The following COLGALT2 variants were observed in gnomAD, a reference collection of about 807,000 sequenced individuals.
COLGALT2 encodes the protein collagen beta(1-O)galactosyltransferase 2.
A neutral mutation model predicts 73.4 loss-of-function variants in COLGALT2; 49 were observed. The ratio of observed to expected loss-of-function variants is 0.67; its 90% CI spans 0.53 to 0.85. The LOEUF (loss-of-function observed/expected upper bound fraction) is 0.85, where lower values mean the gene tolerates loss of function less well. Among genes scored for constraint, COLGALT2 ranks in the 40% least tolerant of loss-of-function variants. The pLI, the probability that COLGALT2 is intolerant of heterozygous loss-of-function variation, is 0.00. For missense variants in COLGALT2, 722 were observed against 790.2 expected (o/e 0.91, Z 1.03); for synonymous variants, 295 against 307.6 (o/e 0.96, Z 0.43).
At chr1:183,998,393 T>G (rs1457595496) in intron 1 of COLGALT2, among the ~76,000 whole-genome samples, 1 of 152,256 alleles carries the variant, frequency 6.6e-6, no homozygotes, top group Non-Finnish European at 1.5e-5. Context: ...TCGTTGATTC[T>G]CTACATTATT....
chr1:184,031,143 A>G (rs1649499256), intron 1 of COLGALT2, among the ~76,000 whole-genome samples: 1 of 152,208 alleles, frequency 6.6e-6, no homozygotes, highest in Non-Finnish European at 1.5e-5. Context: ...ATGAAGCTGA[A>G]TTTAGGGGAC....
intron 2 of COLGALT2, among the ~76,000 whole-genome samples, chr1:183,976,256 A>C (rs2102818115): frequency 6.6e-6 from 1 of 152,022 alleles, no homozygotes; most frequent in East Asian, 1.9e-4. Context: ...ACTCTAAAGG[A>C]GTGTTTACAA....
chr1:183,941,954 CTTTTT>C (rs34285270), intron 10 of COLGALT2, among the ~76,000 whole-genome samples: 6 of 142,840 alleles, frequency 4.2e-5, no homozygotes, highest in Admixed American at 7.0e-5. Context: ...CGACAGTTTA[CTTTTT>C]TTTTTTTTTT....
chr1:183,981,161 A>G (rs1398756526), intron 1 of COLGALT2, among the ~76,000 whole-genome samples: 3 of 152,206 alleles, frequency 2.0e-5, no homozygotes, highest in Non-Finnish European at 2.9e-5. Context: ...TAATATTCCC[A>G]TGGAACAAAC....
chr1:184,006,097 A>G (rs1489119068), intron 1 of COLGALT2, among the ~76,000 whole-genome samples: 9 of 152,196 alleles, frequency 5.9e-5, no homozygotes, highest in Non-Finnish European at 4.4e-5. Context: ...CTATATGTAC[A>G]GTTTTCTATG....
At chr1:184,006,264 G>A (rs1192371622) in intron 1 of COLGALT2, among the ~76,000 whole-genome samples, 1 of 152,096 alleles carries the variant, frequency 6.6e-6, no homozygotes, top group Non-Finnish European at 1.5e-5. Context: ...TGCAACTCTG[G>A]TTATTTTCTT....
At chr1:184,014,270 A>C (rs1046523347) in intron 1 of COLGALT2, among the ~76,000 whole-genome samples, 12 of 152,190 alleles carry the variant, frequency 7.9e-5, no homozygotes, top group African/African-American at 2.9e-4. Context: ...AGCCAAAGGG[A>C]AGACAGCAAG....
chr1:183,948,273 T>C (rs1326426164), intron 8 of COLGALT2, among the ~76,000 whole-genome samples: 1 of 152,104 alleles, frequency 6.6e-6, no homozygotes, highest in Non-Finnish European at 1.5e-5. Context: ...AAAAACATTA[T>C]AAGAAAACTG....
At chr1:184,019,326 C>T (rs974700490) in intron 1 of COLGALT2, among the ~76,000 whole-genome samples, 1 of 152,152 alleles carries the variant, frequency 6.6e-6, no homozygotes, top group Non-Finnish European at 1.5e-5. Context: ...AATAATTACG[C>T]ATTGAGACTT....
At chr1:184,007,108 G>A (rs996059133) in intron 1 of COLGALT2, among the ~76,000 whole-genome samples, 4 of 152,200 alleles carry the variant, frequency 2.6e-5, no homozygotes, top group African/African-American at 9.7e-5. Context: ...TGTGCAGTAT[G>A]GGTGTCAGTG....
In COLGALT2 at chr1:183,940,582, C is replaced by T. The variant is rs759172474; in HGVS notation, c.1603G>A (p.Val535Ile). Residue 535 changes from valine (V) to isoleucine (I), a missense_variant and splice_region_variant, in exon 11 of 12, where the codon GTA (valine) becomes ATA (isoleucine). Coordinates refer to ENST00000361927, the MANE Select transcript of COLGALT2 (RefSeq NM_015101.4). ...FLPVMYNKHP[V>I]AEYKEYYESR... ...GGCAGGCAGTTCAGGGAGACTCACACGGGATGCTTGTTGTACATGACTGGC... is the reference window on the plus strand; with the variant it reads ...GGCAGGCAGTTCAGGGAGACTCACATGGGATGCTTGTTGTACATGACTGGC... 44 of 1,613,992 alleles carry T rather than the reference C, an allele frequency of 2.7e-5. No individual in the cohort carries two copies. The highest frequency in any genetic ancestry group is 9.9e-5 in the South Asian group (9 of 91,084).
At chr1:183,971,649 G>T (rs186978673) in intron 4 of COLGALT2, among the ~76,000 whole-genome samples, 1 of 152,152 alleles carries the variant, frequency 6.6e-6, no homozygotes, top group African/African-American at 2.4e-5. Context: ...AAAATAGCAC[G>T]CATTCAAAAT....
rs1293898844 is a variant in COLGALT2, at chr1:183,940,689, C to T, written c.1496G>A (p.Gly499Asp). Residue 499 changes from glycine to aspartate, a missense_variant, in exon 11 of 12, where the codon GGC becomes GAC. By Grantham distance (94) the Gly-to-Asp change is moderately conservative. Coordinates refer to ENST00000361927, the MANE Select transcript of COLGALT2 (RefSeq NM_015101.4). Reference protein sequence around the residue: ...VEADYSYWTLGYVISLEGAQK... With the variant: ...VEADYSYWTLDYVISLEGAQK... The stretch of plus-strand genomic sequence containing the variant: ...TGCTCCTTCCAGAGAGATGACGTAG[C>T]CCAGGGTCCAGTAGGAATAGTCGGC... 6.2e-7 allele frequency: 1 copy of T among 1,614,072 alleles called. No homozygotes were observed. The highest frequency in any genetic ancestry group is 1.7e-5 in the Admixed American group (1 of 60,008).
At chr1:184,004,010 A>AT (rs1176532308) in intron 1 of COLGALT2, among the ~76,000 whole-genome samples, 1 of 152,200 alleles carries the variant, frequency 6.6e-6, no homozygotes, top group African/African-American at 2.4e-5. Context: ...CCTTATCAGT[A>AT]TTTTTTTCAC....
intron 6 of COLGALT2, among the ~76,000 whole-genome samples, chr1:183,958,383 A>G (rs1207082575): frequency 6.6e-6 from 1 of 152,154 alleles, no homozygotes; most frequent in Non-Finnish European, 1.5e-5. Flanking sequence ...GGAGAAACAT[A>G]CACAATTGTG....
intron 2 of COLGALT2, among the ~76,000 whole-genome samples, chr1:183,976,628 A>G (rs1292159409): frequency 6.6e-6 from 1 of 152,122 alleles, no homozygotes; most frequent in Non-Finnish European, 1.5e-5. Flanking sequence ...TGTTCATCCA[A>G]CCAGTATTAA....
At chr1:184,002,112 G>T (rs939837103) in intron 1 of COLGALT2, among the ~76,000 whole-genome samples, 1 of 152,232 alleles carries the variant, frequency 6.6e-6, no homozygotes, top group African/African-American at 2.4e-5. Context: ...ACTAGTGGAA[G>T]TTTGGGTTGG....
chr1:183,996,198 C>T (rs1440866238), intron 1 of COLGALT2, among the ~76,000 whole-genome samples: 2 of 152,200 alleles, frequency 1.3e-5, no homozygotes, highest in Non-Finnish European at 2.9e-5. Flanking sequence ...GGAGGAGGCG[C>T]ACAGGCTTCT....
At chr1:183,953,400 T>G (rs796516177) in intron 7 of COLGALT2, among the ~76,000 whole-genome samples, 3 of 152,268 alleles carry the variant, frequency 2.0e-5, no homozygotes, top group African/African-American at 7.2e-5. Context: ...AGTGACCCAG[T>G]CCTTACACCG....
Sources: allele counts gnomAD v4.1 joint callset (sites outside exome capture counted in the v4.1 genomes callset), GRCh38; gene constraint gnomAD v4.1.1; transcripts MANE v1.5; gene names NCBI Gene and HGNC (gene_info 2026-07-23, HGNC 2026-07-21).